ZBTB20: variants seen among roughly 807,000 people sequenced by gnomAD.
ZBTB20 encodes the protein zinc finger and BTB domain-containing protein 20.
In ZBTB20, 9 loss-of-function variants were observed where a neutral mutation model predicts 56.9. The ratio of observed to expected loss-of-function variants is 0.16; its 90% CI spans 0.10 to 0.28. The LOEUF (loss-of-function observed/expected upper bound fraction) is 0.28. Ranked by LOEUF, ZBTB20 falls within the 10% of genes least tolerant of loss-of-function variation. ZBTB20 has a pLI of 1.00. For missense variants in ZBTB20, 655 were observed against 1,003.0 expected (o/e 0.65, Z 4.69); for synonymous variants, 417 against 420.7 (o/e 0.99, Z 0.11).
intron 1 of ZBTB20, among the ~76,000 whole-genome samples, chr3:115,088,940 C>CAAATAT (rs143007706): frequency 6.6e-6 from 1 of 151,782 alleles, no homozygotes; most frequent in African/African-American, 2.4e-5. Flanking sequence ...TTTTAACTCT[C>CAAATAT]AAATATAAAT....
intron 1 of ZBTB20, among the ~76,000 whole-genome samples, chr3:115,125,427 T>A (rs1164950167): frequency 6.6e-6 from 1 of 151,900 alleles, no homozygotes; most frequent in African/African-American, 2.4e-5. Context: ...TCTGTCATTG[T>A]GACATCAATG....
At chr3:115,097,111 G>T (rs2083407134) in intron 1 of ZBTB20, among the ~76,000 whole-genome samples, 1 of 152,040 alleles carries the variant, frequency 6.6e-6, no homozygotes, top group Admixed American at 6.5e-5. Context: ...TAAAAAAGAA[G>T]AAAAAGTTTA....
At chr3:114,790,371 GA>G (rs1424421048) in intron 5 of ZBTB20, among the ~76,000 whole-genome samples, 5 of 152,012 alleles carry the variant, frequency 3.3e-5, no homozygotes, top group Non-Finnish European at 7.4e-5. Flanking sequence ...AATATGGTAT[GA>G]ATTATTTTCT....
At chr3:114,420,763 T>A (rs1306190550) in intron 7 of ZBTB20, among the ~76,000 whole-genome samples, 1 of 152,122 alleles carries the variant, frequency 6.6e-6, no homozygotes, top group African/African-American at 2.4e-5. Context: ...AGATTACAAA[T>A]AAGACCCTCT....
At chr3:114,854,909 T>C (rs2075173619) in intron 4 of ZBTB20, among the ~76,000 whole-genome samples, 1 of 152,224 alleles carries the variant, frequency 6.6e-6, no homozygotes, top group South Asian at 2.1e-4. Context: ...AAAATCTACT[T>C]TTTGTTAATT....
At chr3:115,077,594 T>C (rs763702505) in intron 1 of ZBTB20, among the ~76,000 whole-genome samples, 1 of 152,218 alleles carries the variant, frequency 6.6e-6, no homozygotes, top group Non-Finnish European at 1.5e-5. Context: ...TAAAGATTTA[T>C]TTAAAGTAGA....
intron 1 of ZBTB20, among the ~76,000 whole-genome samples, chr3:115,104,317 T>C (rs1484440725): frequency 1.3e-5 from 2 of 152,168 alleles, no homozygotes; most frequent in East Asian, 1.9e-4. Flanking sequence ...TAAACACATA[T>C]ACAATCCAGC....
At chr3:114,551,592 A>G (rs527926260) in intron 6 of ZBTB20, among the ~76,000 whole-genome samples, 4 of 152,242 alleles carry the variant, frequency 2.6e-5, no homozygotes, top group Non-Finnish European at 5.9e-5. Context: ...AGAGATATAC[A>G]TAAGCAACAA....
chr3:114,315,100 C>T lies in ZBTB20; in HGVS notation c.*23905G>A, dbSNP rs980411139. 7.9e-5 allele frequency: 12 copies of T among 152,096 alleles called. No individual in the cohort carries two copies. The highest frequency in any genetic ancestry group is 1.3e-4 in the Non-Finnish European group (9 of 68,020). The allele number at this position is 152,096 out of a possible 1,614,324, so 9.4% of individuals were successfully genotyped here. A position where few individuals can be genotyped will look rare whatever the true frequency, so the allele number is the denominator to read the frequency against. ...AATGAGAAAAAAAAAGGAACAAACT[C>T]CCTCTCAAAACTATTGACCTGCTCA... On this transcript the variant is annotated 3_prime_UTR_variant, in exon 12 of 12. Transcript: ENST00000675478.
chr3:114,992,055 T>C (rs997070263), intron 2 of ZBTB20, among the ~76,000 whole-genome samples: 3 of 151,932 alleles, frequency 2.0e-5, no homozygotes, highest in Admixed American at 6.6e-5. Flanking sequence ...AATCTCTCTC[T>C]CCACCTAAAC....
chr3:114,799,962 A>T (rs1293636962), intron 5 of ZBTB20, among the ~76,000 whole-genome samples: 1 of 151,946 alleles, frequency 6.6e-6, no homozygotes, highest in Admixed American at 6.6e-5. Flanking sequence ...AATGAACTAC[A>T]GTGAAAATGG....
intron 3 of ZBTB20, among the ~76,000 whole-genome samples, chr3:114,952,436 T>C (rs1295206825): frequency 6.6e-6 from 1 of 152,068 alleles, no homozygotes; most frequent in Non-Finnish European, 1.5e-5. Flanking sequence ...GTCTGTTCTG[T>C]ATTAATTATC....
At chr3:114,782,585 T>A (rs2070185624) in intron 5 of ZBTB20, among the ~76,000 whole-genome samples, 1 of 152,154 alleles carries the variant, frequency 6.6e-6, no homozygotes, top group Admixed American at 6.5e-5. Flanking sequence ...AGTAACTAAG[T>A]GCAATGTTAA....
intron 5 of ZBTB20, among the ~76,000 whole-genome samples, chr3:114,753,853 T>C (rs2067793429): frequency 6.6e-6 from 1 of 152,150 alleles, no homozygotes; most frequent in Non-Finnish European, 1.5e-5. Flanking sequence ...AAAGAAGGCA[T>C]GGCATTACAT....
chr3:114,469,249 A>C (rs2092665685), intron 7 of ZBTB20, among the ~76,000 whole-genome samples: 1 of 152,126 alleles, frequency 6.6e-6, no homozygotes, highest in Non-Finnish European at 1.5e-5. Context: ...ATAAAGTTTT[A>C]CTTCAAGTTT....
At chr3:114,348,829 T>C (rs1424847954) in intron 11 of ZBTB20, among the ~76,000 whole-genome samples, 3 of 152,230 alleles carry the variant, frequency 2.0e-5, no homozygotes, top group African/African-American at 7.2e-5. Context: ...CAAGGTTGTT[T>C]TGAGAAACTA....
chr3:114,593,850 T>G (rs1396610725), intron 6 of ZBTB20, among the ~76,000 whole-genome samples: 1 of 152,212 alleles, frequency 6.6e-6, no homozygotes, highest in Admixed American at 6.5e-5. Context: ...CTCCGTAATA[T>G]AGTAGATTTT....
chr3:114,898,774 G>A (rs993777376), intron 4 of ZBTB20, among the ~76,000 whole-genome samples: 5 of 151,932 alleles, frequency 3.3e-5, no homozygotes, highest in Admixed American at 2.6e-4. Flanking sequence ...GCCAATAAAA[G>A]GAAAAGACAC....
intron 6 of ZBTB20, among the ~76,000 whole-genome samples, chr3:114,693,052 A>C (rs2062792308): frequency 6.6e-6 from 1 of 152,206 alleles, no homozygotes; most frequent in African/African-American, 2.4e-5. Context: ...ACTAATGGGT[A>C]GTTCAAAGTA....
Sources: allele counts gnomAD v4.1 joint callset (sites outside exome capture counted in the v4.1 genomes callset), GRCh38; gene constraint gnomAD v4.1.1; transcripts MANE v1.5; gene names NCBI Gene and HGNC (gene_info 2026-07-23, HGNC 2026-07-21).